Variants in IL1RN observed in about 807,000 individuals in gnomAD.
The protein encoded by IL1RN is interleukin-1 receptor antagonist protein.
In IL1RN, 10 loss-of-function variants were observed where a neutral mutation model predicts 13.7. The observed-to-expected ratio is 0.73, with a 90% CI of 0.45 to 1.24. The LOEUF (loss-of-function observed/expected upper bound fraction) is 1.24. Among genes scored for constraint, IL1RN ranks in the 50% most tolerant of loss-of-function variants. IL1RN has a pLI of 0.00. For missense variants in IL1RN, 213 were observed against 222.1 expected (o/e 0.96, Z 0.26); for synonymous variants, 102 against 82.7 (o/e 1.23, Z -1.27).
upstream of IL1RN, among the ~76,000 whole-genome samples, chr2:113,107,726 G>C (rs1358446928): frequency 6.6e-6 from 1 of 152,108 alleles, no homozygotes; most frequent in African/African-American, 2.4e-5. Context: ...GAGTGAGACT[G>C]CCTCAAAACC....
upstream of IL1RN, chr2:113,115,803 C>G (rs1686581220): frequency 6.6e-6 from 1 of 152,172 alleles, no homozygotes; most frequent in Middle Eastern, 3.1e-3. Flanking sequence ...CACTGGGGTG[C>G]TACAGATGCC....
At chr2:113,109,348 G>A (rs1169186360), upstream of IL1RN, among the ~76,000 whole-genome samples, 1 of 151,282 alleles carries the variant, frequency 6.6e-6, no homozygotes, top group Non-Finnish European at 1.5e-5. Context: ...GGAGGCAGAG[G>A]TTGTGGTGAG....
intron 2 of IL1RN, chr2:113,129,957 C>A (rs955812555): frequency 1.4e-5 from 6 of 420,700 alleles, no homozygotes; most frequent in African/African-American, 1.2e-4. Flanking sequence ...TTGACCATTC[C>A]CTTCCTCAAG....
At chr2:113,112,684 C>G (rs952576657) in intron 1 of IL1RN, among the ~76,000 whole-genome samples, 1 of 152,242 alleles carries the variant, frequency 6.6e-6, no homozygotes, top group East Asian at 1.9e-4. Flanking sequence ...CACTCCCAAG[C>G]CTGAATGGGG....
chr2:113,100,190 G>A, the IL1RN span, among the ~76,000 whole-genome samples: 280 of 151,440 alleles, frequency 1.8e-3, 3 homozygotes, highest in African/African-American at 6.0e-3. Context: ...GCCGGGCGTG[G>A]TGGCGGGCGC....
intron 1 of IL1RN, chr2:113,119,921 C>A: frequency 1.4e-6 from 1 of 721,522 alleles, no homozygotes; most frequent in South Asian, 1.6e-5. Context: ...CATACTCGGA[C>A]TGGAAACTGG....
intron 2 of IL1RN, among the ~76,000 whole-genome samples, chr2:113,120,989 C>CCCTTCTCCTCTTCTTCTTCCTCCT (rs1686753899): frequency 6.7e-6 from 1 of 150,306 alleles, no homozygotes; most frequent in African/African-American, 2.5e-5. Context: ...TTCTTCCTCC[C>CCCTTCTCCTCTTCTTCTTCCTCCT]CCTTCTCCTC....
intron 1 of IL1RN, among the ~76,000 whole-genome samples, chr2:113,111,350 A>G (rs1366433448): frequency 6.6e-6 from 1 of 152,206 alleles, no homozygotes; most frequent in Non-Finnish European, 1.5e-5. Context: ...GTGTTTATTT[A>G]TGGAGAAGGC....
intron 3 of IL1RN, 43 bp downstream of exon 3, chr2:113,131,200 G>A: frequency 7.4e-7 from 1 of 1,356,310 alleles, no homozygotes; most frequent in Non-Finnish European, 1.1e-6. Flanking sequence ...AAAACCCAGT[G>A]GCTTGAAACA....
chr2:113,127,857 G>A (rs2104452333), intron 1 of IL1RN, 117 bp downstream of exon 1: 1 of 942,158 alleles, frequency 1.1e-6, no homozygotes, highest in Non-Finnish European at 1.7e-6. Context: ...TTGGGCTGGA[G>A]AGGATGTCCA....
At chr2:113,104,361 T>A (rs1299875664), upstream of IL1RN, among the ~76,000 whole-genome samples, 1 of 152,228 alleles carries the variant, frequency 6.6e-6, no homozygotes. Context: ...GTGGGTGTTC[T>A]GGGGGATGTT....
chr2:113,102,373 G>T (rs576564509), upstream of IL1RN, among the ~76,000 whole-genome samples: 10 of 152,280 alleles, frequency 6.6e-5, no homozygotes, highest in Admixed American at 2.0e-4. Context: ...TTTCTTATAG[G>T]CTCTATCTTC....
At chr2:113,121,180 C>A (rs902947414) in intron 2 of IL1RN, among the ~76,000 whole-genome samples, 7 of 151,830 alleles carry the variant, frequency 4.6e-5, no homozygotes, top group Non-Finnish European at 1.0e-4. Context: ...AAAGTGAAAG[C>A]AAGTTTATTA....
intron 2 of IL1RN, 64 bp downstream of exon 2, chr2:113,129,728 G>A: frequency 9.7e-7 from 1 of 1,031,752 alleles, no homozygotes. Context: ...TCTGTCTGCA[G>A]CAGCATGGCC....
upstream of IL1RN, among the ~76,000 whole-genome samples, chr2:113,126,728 A>G (rs1245103796): frequency 6.6e-6 from 1 of 151,424 alleles, no homozygotes; most frequent in African/African-American, 2.4e-5. Flanking sequence ...TGTGAAGAAG[A>G]CATGATCACC....
chr2:113,110,763 G>A (rs575916674), upstream of IL1RN, among the ~76,000 whole-genome samples: 10 of 152,352 alleles, frequency 6.6e-5, no homozygotes, highest in South Asian at 2.1e-3. Flanking sequence ...ACCTGGCATA[G>A]TGCCTGGCAC....
At chr2:113,116,950 A>G (rs1048257615), upstream of IL1RN, among the ~76,000 whole-genome samples, 1 of 152,228 alleles carries the variant, frequency 6.6e-6, no homozygotes, top group African/African-American at 2.4e-5. Context: ...GTGCCCACAC[A>G]CACACAACTG....
chr2:113,131,060 TA>T lies in IL1RN; in HGVS notation c.222del (p.Ile76LeufsTer38). 1 of 1,609,698 alleles carries T rather than the reference TA, an allele frequency of 6.2e-7. No homozygotes were observed. The highest frequency in any genetic ancestry group is 8.5e-7 in the Non-Finnish European group (1 of 1,175,886). On this transcript the variant is annotated frameshift_variant, in exon 3 of 4. Transcript: ENST00000409930. LOFTEE classifies it high-confidence loss of function. ...NVNLEEKIDV[V>X]PIEPHALFLG... is the part of the protein sequence containing the mutation. Reference sequence around the variant, plus strand: ...TCTTCCCCAGAAAAGATAGATGTGGTACCCATTGAGCCTCATGCTCTGTTCT... The same window carrying T: ...TCTTCCCCAGAAAAGATAGATGTGGTCCCATTGAGCCTCATGCTCTGTTCT...
chr2:113,126,690 C>T (rs1686973613), upstream of IL1RN, among the ~76,000 whole-genome samples: 1 of 152,166 alleles, frequency 6.6e-6, no homozygotes, highest in African/African-American at 2.4e-5. Flanking sequence ...CCCTCCCTCC[C>T]TCTTTCCCTT....
Sources: gnomAD v4.1 joint callset for allele counts (sites outside exome capture counted in the v4.1 genomes callset) on GRCh38, gnomAD v4.1.1 for gene constraint, MANE v1.5 for transcripts, NCBI Gene and HGNC (gene_info 2026-07-23, HGNC 2026-07-21) for gene names.